Variants in SLC6A4 observed in about 807,000 individuals in gnomAD.
The protein encoded by SLC6A4 is solute carrier family 6 member 4, also known as sodium-dependent serotonin transporter.
SLC6A4 carries 22 observed loss-of-function variants against 73.4 expected under a neutral mutation model. The ratio of observed to expected loss-of-function variants is 0.30; its 90% CI spans 0.21 to 0.43. The LOEUF (loss-of-function observed/expected upper bound fraction) is 0.43, where lower values mean the gene tolerates loss of function less well. SLC6A4 is among the 20% of genes least tolerant of loss of function. SLC6A4 has a pLI of 1.00. For missense variants in SLC6A4, 593 were observed against 808.5 expected, an observed-to-expected ratio of 0.73 and a Z score of 3.23; for synonymous variants, 270 against 315.5, an observed-to-expected ratio of 0.86 and a Z score of 1.53.
chr17:30,219,815 G>T (rs564012369), intron 3 of SLC6A4, among the ~76,000 whole-genome samples: 1 of 152,192 alleles, frequency 6.6e-6, no homozygotes, highest in Non-Finnish European at 1.5e-5. Context: ...TTTCCCTGCT[G>T]TAAAATGCTC....
chr17:30,212,984 G>C (rs925808253), intron 8 of SLC6A4, 117 bp from the exon 9 acceptor site: 44 of 1,123,978 alleles, frequency 3.9e-5, no homozygotes, highest in Non-Finnish European at 5.2e-5. Context: ...GGACAAGCAG[G>C]CTGAACTCAA....
chr17:30,233,538 T>C (rs1245855605), intron 1 of SLC6A4, among the ~76,000 whole-genome samples: 2 of 152,176 alleles, frequency 1.3e-5, no homozygotes, highest in East Asian at 3.8e-4. Context: ...TGCACCATCA[T>C]TTCAACTCAT....
Position 30,210,491 on chromosome 17 carries a change from AAAGCT to A in SLC6A4, c.1449+19_1449+23del, listed in dbSNP as rs748092545. 6.2e-7 allele frequency: 1 copy of A among 1,608,758 alleles called. No individual in the cohort carries two copies. The highest frequency in any genetic ancestry group is 8.5e-7 in the Non-Finnish European group (1 of 1,177,238). On this transcript the variant is annotated intron_variant, in intron 11 of 14. Transcript: ENST00000650711. ...CTGCTGCCCTAGGGGAGGCCAACTCAAAGCTGAGGGGCATGATACTCACAAAAGTC... is the reference window on the plus strand; with the variant it reads ...CTGCTGCCCTAGGGGAGGCCAACTCAGAGGGGCATGATACTCACAAAAGTC...
intron 1 of SLC6A4, among the ~76,000 whole-genome samples, chr17:30,226,951 A>G (rs888398774): frequency 4.5e-4 from 68 of 152,174 alleles, no homozygotes; most frequent in African/African-American, 1.5e-3. Context: ...GCCAAGCCTA[A>G]AATCTGAAAA....
intron 14 of SLC6A4, among the ~76,000 whole-genome samples, 154 bp downstream of exon 14, chr17:30,203,015 CCAT>C (rs1338066705): frequency 2.6e-5 from 4 of 152,174 alleles, no homozygotes; most frequent in Non-Finnish European, 4.4e-5. Context: ...ACAGTGACAG[CCAT>C]TAGAGGTCTT....
At position 30,232,197 on chromosome 17, in the gene SLC6A4, G is replaced by A. The variant is rs76527577; in HGVS notation, c.-221+3416C>T. ...AAAACCCAAGACGGCAAAGGCCCAC[G>A]TACTTGCCCCCTCCTGCTAGCTGCC... On this transcript the variant is annotated intron_variant, in intron 1 of 14. Transcript: ENST00000650711. 2.1e-3 allele frequency among the ~76,000 whole-genome samples: 325 copies of A among 152,328 alleles called. 1 individual carries two copies. Among genetic ancestry groups the A allele is most frequent in the Middle Eastern group, 0.01 (3 of 294 alleles).
At position 30,198,456 on chromosome 17, in the gene SLC6A4, T is replaced by C. The variant is rs186878325; in HGVS notation, c.1893A>G (p.Ter631=). 38 of 1,592,068 alleles carry C rather than the reference T, an allele frequency of 2.4e-5. No individual in the cohort carries two copies. The highest frequency in any genetic ancestry group is 3.3e-5 in the Non-Finnish European group (38 of 1,160,972). The change falls in exon 15 of 15, where the codon TAA becomes TAG. Residue 631 remains the stop codon, a stop_retained_variant. Coordinates refer to ENST00000650711, the MANE Select transcript of SLC6A4 (RefSeq NM_001045.6). Reference sequence around the variant, plus strand: ...AGCCTTTTTCCTCTCGGTGAGTGTGTTACACAGCATTCAAGCGGATGTCCC... The same window carrying C: ...AGCCTTTTTCCTCTCGGTGAGTGTGCTACACAGCATTCAAGCGGATGTCCC... ...PCGDIRLNAV[*] is the part of the protein sequence containing the mutation.
intron 3 of SLC6A4, among the ~76,000 whole-genome samples, chr17:30,221,352 C>T (rs1906743553): frequency 6.6e-6 from 1 of 152,088 alleles, no homozygotes; most frequent in African/African-American, 2.4e-5. Flanking sequence ...ACTGAAAAGA[C>T]ATAATCTGTC....
rs1236764693 is a variant in SLC6A4, at chr17:30,197,860, AAAC to A, written c.*593_*595del. 1 of 152,890 alleles carries A rather than the reference AAAC, an allele frequency of 6.5e-6. No homozygotes were observed. Among genetic ancestry groups the A allele is most frequent in the African/African-American group, 2.4e-5 (1 of 41,456 alleles). The allele number at this position is 152,890 out of a possible 1,614,324, so 9.5% of individuals were successfully genotyped here. ...TTGGACTAGAGATAAGAATACACTG[AAAC>A]AACAATATACACAGACTCACAAGCT... On this transcript the variant is annotated 3_prime_UTR_variant, in exon 15 of 15. Coordinates refer to ENST00000650711, the MANE Select transcript of SLC6A4 (RefSeq NM_001045.6).
intron 3 of SLC6A4, among the ~76,000 whole-genome samples, chr17:30,219,877 C>T (rs1906690510): frequency 6.6e-6 from 1 of 152,202 alleles, no homozygotes; most frequent in Admixed American, 6.5e-5. Flanking sequence ...ATGTAATTTA[C>T]AGTCACACTG....
chr17:30,216,712 G>T (rs1906586269), intron 6 of SLC6A4, among the ~76,000 whole-genome samples: 1 of 150,204 alleles, frequency 6.7e-6, no homozygotes, highest in African/African-American at 2.5e-5. Context: ...TCACTCTGCT[G>T]CCCAGGAGTG....
intron 1 of SLC6A4, among the ~76,000 whole-genome samples, chr17:30,228,306 T>C (rs1906987431): frequency 6.6e-6 from 1 of 152,218 alleles, no homozygotes; most frequent in Non-Finnish European, 1.5e-5. Flanking sequence ...TCGTGGGAAT[T>C]AAAGTATGAC....
At chr17:30,210,426 T>A in intron 11 of SLC6A4, 89 bp downstream of exon 11, 2 of 1,400,984 alleles carry the variant, frequency 1.4e-6, no homozygotes, top group Non-Finnish European at 1.9e-6. Flanking sequence ...GCCAGGGCAC[T>A]GTGTGAGATG....
At chr17:30,222,649 C>T (rs1376835280) in intron 2 of SLC6A4, among the ~76,000 whole-genome samples, 170 bp downstream of exon 2, 5 of 152,244 alleles carry the variant, frequency 3.3e-5, no homozygotes, top group Non-Finnish European at 7.3e-5. Flanking sequence ...CTTCGTGAGG[C>T]ACCCCAGCTC....
rs764370121 is a variant in SLC6A4, at chr17:30,209,161, C to T, written c.1531G>A (p.Ala511Thr). Residue 511 changes from alanine (A) to threonine (T), a missense_variant, in exon 12 of 15, where the codon GCT becomes ACT. Coordinates refer to ENST00000650711, the MANE Select transcript of SLC6A4 (RefSeq NM_001045.6). ...VLTVALIEAVAVSWFYGITQF... is the reference protein window; with the variant it reads ...VLTVALIEAVTVSWFYGITQF... ...GTCTTACCATAGAACCAAGACACAG[C>T]GACTGCTTCGATCAGCGCGACAGTG... 3 of 1,613,004 alleles carry T rather than the reference C, an allele frequency of 1.9e-6. No individual in the cohort carries two copies. The highest frequency in any genetic ancestry group is 1.1e-5 in the South Asian group (1 of 91,028).
chr17:30,223,870 C>G (rs12150214), intron 1 of SLC6A4, among the ~76,000 whole-genome samples: 114,479 of 151,834 alleles, frequency 0.75, 44,045 homozygotes, highest in East Asian at 0.89. Context: ...CCCCTTCCTT[C>G]GGCCCTCAAC....
At chr17:30,226,947 C>G (rs1048338757) in intron 1 of SLC6A4, among the ~76,000 whole-genome samples, 1 of 151,982 alleles carries the variant, frequency 6.6e-6, no homozygotes, top group Non-Finnish European at 1.5e-5. Context: ...ACAGGCCAAG[C>G]CTAAAATCTG....
chr17:30,198,805 A>C (rs746380354), intron 14 of SLC6A4, among the ~76,000 whole-genome samples: 1 of 152,192 alleles, frequency 6.6e-6, no homozygotes, highest in African/African-American at 2.4e-5. Context: ...CTTCAACAGA[A>C]TCTCTGCTGG....
intron 5 of SLC6A4, 118 bp downstream of exon 5, chr17:30,218,000 A>C: frequency 1.4e-6 from 1 of 737,838 alleles, no homozygotes; most frequent in African/African-American, 1.8e-5. Flanking sequence ...CACCCCTGAT[A>C]GCTTCATCTC....
Sources: gnomAD v4.1 joint callset for allele counts (sites outside exome capture counted in the v4.1 genomes callset) on GRCh38, gnomAD v4.1.1 for gene constraint, MANE v1.5 for transcripts, NCBI Gene and HGNC (gene_info 2026-07-23, HGNC 2026-07-21) for gene names.